KIF13B: variants seen among roughly 807,000 people sequenced by gnomAD.
KIF13B encodes the protein kinesin family member 13B, also known as kinesin-like protein KIF13B.
A neutral mutation model predicts 222.0 loss-of-function variants in KIF13B; 127 were observed. The observed-to-expected ratio is 0.57, with a 90% CI of 0.50 to 0.66. The LOEUF (loss-of-function observed/expected upper bound fraction) is 0.66. Ranked by LOEUF, KIF13B falls within the 30% of genes least tolerant of loss-of-function variation. KIF13B has a pLI of 0.00. For missense variants in KIF13B, 2,173 were observed against 2,379.0 expected (o/e 0.91, Z 1.80); for synonymous variants, 976 against 919.0 (o/e 1.06, Z -1.12).
intron 8 of KIF13B, among the ~76,000 whole-genome samples, chr8:29,178,985 C>T (rs1812598912): frequency 1.3e-5 from 2 of 152,214 alleles, no homozygotes; most frequent in Admixed American, 1.3e-4. Context: ...TTACTCTTCA[C>T]TAGATTCAAA....
At chr8:29,173,859 G>A (rs892633288) in intron 10 of KIF13B, among the ~76,000 whole-genome samples, 3 of 150,252 alleles carry the variant, frequency 2.0e-5, no homozygotes, top group South Asian at 2.1e-4. Flanking sequence ...CAGAAGAATC[G>A]CTTGATCCAG....
intron 7 of KIF13B, 80 bp downstream of exon 7, chr8:29,181,839 A>G: frequency 1.1e-6 from 1 of 934,728 alleles, no homozygotes; most frequent in South Asian, 1.6e-5. Context: ...ATTTTTAAAA[A>G]TAACAAATTA....
At chr8:29,134,987 T>C (rs982756900) in intron 21 of KIF13B, among the ~76,000 whole-genome samples, 1 of 152,152 alleles carries the variant, frequency 6.6e-6, no homozygotes, top group Non-Finnish European at 1.5e-5. Context: ...CCAGAAGAAA[T>C]GCCTATAACA....
chr8:29,082,716 C>G (rs1037957208), intron 37 of KIF13B, among the ~76,000 whole-genome samples: 3 of 152,158 alleles, frequency 2.0e-5, no homozygotes, highest in African/African-American at 7.2e-5. Context: ...GAAAATTCTA[C>G]ACATATATTT....
chr8:29,137,802 C>T (rs780620271), intron 21 of KIF13B, among the ~76,000 whole-genome samples: 5 of 152,116 alleles, frequency 3.3e-5, no homozygotes, highest in East Asian at 1.9e-4. Flanking sequence ...AAGATGAGAT[C>T]GGAATATTCA....
Position 29,220,486 on chromosome 8 carries a change from G to T in KIF13B, c.150-24287C>A, listed in dbSNP as rs527299539. 6.5e-4 allele frequency among the ~76,000 whole-genome samples: 99 copies of T among 152,230 alleles called. 1 individual carries two copies. Among genetic ancestry groups the T allele is most frequent in the African/African-American group, 2.3e-3 (97 of 41,506 alleles). ...TGAACACTACTCAGTAACTGGCAAG[G>T]AGGGGAAGGCGACAGCTGGTTTGTT... On this transcript the variant is annotated intron_variant, in intron 2 of 39. Transcript: ENST00000524189.
At chr8:29,109,171 C>A (rs1335449016) in intron 34 of KIF13B, among the ~76,000 whole-genome samples, 1 of 152,178 alleles carries the variant, frequency 6.6e-6, no homozygotes, top group Non-Finnish European at 1.5e-5. Context: ...ATTCACTGAA[C>A]ACCTCAGTCT....
At chr8:29,234,722 T>C (rs976543602) in intron 2 of KIF13B, among the ~76,000 whole-genome samples, 9 of 142,774 alleles carry the variant, frequency 6.3e-5, no homozygotes, top group African/African-American at 2.1e-4. Flanking sequence ...GAAAAAGTAA[T>C]GTGAGCTTCA....
rs1174175002 is a variant in KIF13B, at chr8:29,070,825, C to G, written c.5219-59G>C. On this transcript the variant is annotated intron_variant, in intron 39 of 39. Coordinates refer to ENST00000524189, the MANE Select transcript of KIF13B (RefSeq NM_015254.4). This position sits in a 1 kb window ranked among gnomAD's most constrained non-coding sequence, Gnocchi z 4.1. The stretch of plus-strand genomic sequence containing the variant: ...GCCGAGCTGCAGACGGCCCCCTGCA[C>G]CTCCCTTACCTCTGCAGAGGCCATG... The G allele has an allele frequency of 1.3e-6, 2 of 1,537,910 alleles. No homozygotes were observed. Among genetic ancestry groups the G allele is most frequent in the African/African-American group, 2.7e-5 (2 of 72,744 alleles).
rs1810845934 is a variant in KIF13B at position 29,142,180 on chromosome 8, T to C, written c.2311A>G (p.Lys771Glu). Residue 771 changes from lysine to glutamate, a missense_variant, in exon 19 of 40, where the codon AAA (lysine) becomes GAA (glutamate). Physicochemically the swap from Lys to Glu is moderately conservative, Grantham distance 56. Coordinates refer to ENST00000524189, the MANE Select transcript of KIF13B (RefSeq NM_015254.4). The part of the protein sequence containing the change: ...LDMRDLYQEW[K>E]ECEEDNPVIR... ...ACTGGGTTATCTTCTTCACACTCTT[T>C]CCACTCCTGATAAAGGTCTCTCATA... 1 of 1,613,608 alleles carries C rather than the reference T, an allele frequency of 6.2e-7. No individual in the cohort carries two copies. Among genetic ancestry groups the C allele is most frequent in the Non-Finnish European group, 8.5e-7 (1 of 1,179,584 alleles).
At chr8:29,088,015 C>G in intron 37 of KIF13B, among the ~76,000 whole-genome samples, 1 of 152,120 alleles carries the variant, frequency 6.6e-6, no homozygotes. Flanking sequence ...CGCCTGTAAT[C>G]CCAGCACTTT....
chr8:29,164,856 T>G (rs1811923819), intron 12 of KIF13B, among the ~76,000 whole-genome samples: 2 of 152,078 alleles, frequency 1.3e-5, no homozygotes, highest in South Asian at 4.1e-4. Context: ...AACGTGTTTT[T>G]TTTTTTTTTT....
intron 21 of KIF13B, among the ~76,000 whole-genome samples, chr8:29,136,410 C>T (rs532792426): frequency 3.3e-5 from 5 of 152,072 alleles, no homozygotes; most frequent in South Asian, 2.1e-4. Flanking sequence ...GAAACCCCGT[C>T]TCTACTAAAA....
At chr8:29,137,578 C>T (rs894161080) in intron 21 of KIF13B, among the ~76,000 whole-genome samples, 1 of 152,244 alleles carries the variant, frequency 6.6e-6, no homozygotes, top group Non-Finnish European at 1.5e-5. Flanking sequence ...GCTAATTACA[C>T]TCACCACGCA....
intron 1 of KIF13B, among the ~76,000 whole-genome samples, chr8:29,249,563 C>T (rs1193190710): frequency 6.6e-6 from 1 of 151,854 alleles, no homozygotes; most frequent in Non-Finnish European, 1.5e-5. Context: ...AGTGTGTCCA[C>T]TCTCAAGAAA....
intron 2 of KIF13B, among the ~76,000 whole-genome samples, chr8:29,228,472 A>AAAAAAAAAAAATAT: frequency 6.8e-5 from 8 of 117,068 alleles, no homozygotes; most frequent in Admixed American, 8.9e-5. Context: ...ATCTTAAAAA[A>AAAAAAAAAAAATAT]ATATATATAT....
intron 7 of KIF13B, among the ~76,000 whole-genome samples, chr8:29,180,600 A>T (rs1318673059): frequency 6.6e-6 from 1 of 152,246 alleles, no homozygotes; most frequent in African/African-American, 2.4e-5. Flanking sequence ...TTGTTAAATT[A>T]GATTATACAA....
At chr8:29,254,737 G>A (rs527970831) in intron 1 of KIF13B, among the ~76,000 whole-genome samples, 1 of 152,204 alleles carries the variant, frequency 6.6e-6, no homozygotes, top group Non-Finnish European at 1.5e-5. Flanking sequence ...TTGGAAAACA[G>A]TTCCTCAAAA....
intron 3 of KIF13B, among the ~76,000 whole-genome samples, chr8:29,192,003 C>T (rs1340221409): frequency 6.6e-6 from 1 of 152,178 alleles, no homozygotes; most frequent in Admixed American, 6.5e-5. Flanking sequence ...TTTGCAGGTA[C>T]ATCTTAGCAG....
Sources: gnomAD v4.1 joint callset for allele counts (sites outside exome capture counted in the v4.1 genomes callset) on GRCh38, gnomAD v4.1.1 for gene constraint, Gnocchi (gnomAD v3.1) non-coding constraint, MANE v1.5 for transcripts, NCBI Gene and HGNC (gene_info 2026-07-23, HGNC 2026-07-21) for gene names.